Variants in NELL2 observed in about 807,000 individuals in gnomAD.
The protein encoded by NELL2 is protein kinase C-binding protein NELL2.
In NELL2, 41 loss-of-function variants were observed where a neutral mutation model predicts 109.6. The ratio of observed to expected loss-of-function variants is 0.37; its 90% CI spans 0.29 to 0.49. NELL2 has a LOEUF of 0.49. Ranked by LOEUF, NELL2 falls within the 20% of genes least tolerant of loss-of-function variation. NELL2 has a pLI of 0.98. For missense variants in NELL2, 900 were observed against 1,008.3 expected (o/e 0.89, Z 1.45); for synonymous variants, 355 against 344.7 (o/e 1.03, Z -0.33).
intron 12 of NELL2, among the ~76,000 whole-genome samples, chr12:44,680,281 T>G (rs1948454243): frequency 6.6e-6 from 1 of 152,128 alleles, no homozygotes; most frequent in Non-Finnish European, 1.5e-5. Flanking sequence ...TTGTTAGTTT[T>G]GACAATCTTA....
At chr12:44,677,291 C>T (rs1055515019) in intron 12 of NELL2, among the ~76,000 whole-genome samples, 1 of 152,084 alleles carries the variant, frequency 6.6e-6, no homozygotes. Context: ...ATCATATAAT[C>T]AATGGTAATC....
chr12:44,858,641 CACA>C (rs1233539960), intron 2 of NELL2, among the ~76,000 whole-genome samples: 4 of 152,138 alleles, frequency 2.6e-5, no homozygotes, highest in East Asian at 1.9e-4. Context: ...CGAAAGTCAC[CACA>C]ACAACAGTAT....
At chr12:44,775,774 C>A (rs538548361) in intron 8 of NELL2, among the ~76,000 whole-genome samples, 135 of 152,278 alleles carry the variant, frequency 8.9e-4, no homozygotes, top group African/African-American at 3.0e-3. Flanking sequence ...ATTTAAATTG[C>A]TAACTTCATG....
intron 19 of NELL2, among the ~76,000 whole-genome samples, chr12:44,518,768 TG>T (rs1238779636): frequency 6.6e-6 from 1 of 152,226 alleles, no homozygotes; most frequent in Admixed American, 6.5e-5. Flanking sequence ...AGTATTTCCC[TG>T]TTAGTCATTA....
chr12:44,904,843 C>T (rs1188134752), intron 1 of NELL2, among the ~76,000 whole-genome samples: 1 of 151,816 alleles, frequency 6.6e-6, no homozygotes, highest in African/African-American at 2.4e-5. Flanking sequence ...AGATAAATAG[C>T]TTAAGGGAAT....
rs142143141 is a variant in NELL2, at chr12:44,835,945, C to T, written c.185-19809G>A. On this transcript the variant is annotated intron_variant, in intron 2 of 19. Coordinates refer to ENST00000429094, the MANE Select transcript of NELL2 (RefSeq NM_001145108.2). ...AGAGGAAGAATATGTACAAAGCATG[C>T]AGGAACAACGAAGTATGGCATATTC... Among the ~76,000 whole-genome samples, 92 of 152,230 alleles carry T rather than the reference C, an allele frequency of 6.0e-4. No individual in the cohort carries two copies. The East Asian group carries it at 0.017, about 29-fold the overall frequency.
intron 2 of NELL2, among the ~76,000 whole-genome samples, chr12:44,849,464 T>C (rs903856538): frequency 1.3e-5 from 2 of 152,156 alleles, no homozygotes; most frequent in Non-Finnish European, 2.9e-5. Flanking sequence ...CAGAATGAAA[T>C]ATCTCTTCAT....
At chr12:44,851,623 C>G (rs1045782464) in intron 2 of NELL2, 1 of 152,146 alleles carries the variant, frequency 6.6e-6, no homozygotes, top group Non-Finnish European at 1.5e-5. Flanking sequence ...AACTACAGCT[C>G]TAAACATAAG....
At chr12:44,748,393 C>A (rs572681753) in intron 9 of NELL2, among the ~76,000 whole-genome samples, 1 of 151,930 alleles carries the variant, frequency 6.6e-6, no homozygotes, top group African/African-American at 2.4e-5. Flanking sequence ...GACAAGGAAT[C>A]GCTACTTCTT....
chr12:44,875,737 G>A, intron 1 of NELL2, 78 bp downstream of exon 1: 4 of 1,609,754 alleles, frequency 2.5e-6, no homozygotes, highest in African/African-American at 1.3e-5. Context: ...CGGGAAAAGC[G>A]AGGCTTCCCC....
At chr12:44,640,732 A>T (rs1028478403) in intron 13 of NELL2, among the ~76,000 whole-genome samples, 1 of 152,056 alleles carries the variant, frequency 6.6e-6, no homozygotes, top group Non-Finnish European at 1.5e-5. Context: ...GAACAAGGGG[A>T]CAAATTTGAT....
At chr12:44,892,158 C>A (rs1487226358) in intron 1 of NELL2, among the ~76,000 whole-genome samples, 1 of 152,090 alleles carries the variant, frequency 6.6e-6, no homozygotes, top group African/African-American at 2.4e-5. Flanking sequence ...AAGATATGAG[C>A]ATTTGAAAAT....
intron 2 of NELL2, among the ~76,000 whole-genome samples, chr12:44,850,880 A>G (rs1412979260): frequency 6.6e-6 from 1 of 152,200 alleles, no homozygotes; most frequent in East Asian, 1.9e-4. Flanking sequence ...ACAGCCAAAG[A>G]TATCAGGAAG....
intron 9 of NELL2, among the ~76,000 whole-genome samples, chr12:44,737,115 AAAAT>A (rs1438511862): frequency 6.6e-6 from 1 of 152,102 alleles, no homozygotes; most frequent in East Asian, 1.9e-4. Flanking sequence ...GTAAAAATTC[AAAAT>A]AAATACCACA....
At chr12:44,576,535 C>T (rs1445160293) in intron 15 of NELL2, among the ~76,000 whole-genome samples, 3 of 150,708 alleles carry the variant, frequency 2.0e-5, no homozygotes, top group Non-Finnish European at 4.4e-5. Flanking sequence ...CTAGAGCCTA[C>T]CTTCTCTTTT....
At chr12:44,539,007 T>C (rs1942421520) in intron 15 of NELL2, among the ~76,000 whole-genome samples, 1 of 152,218 alleles carries the variant, frequency 6.6e-6, no homozygotes, top group Non-Finnish European at 1.5e-5. Context: ...TTCTCATCTA[T>C]CTGTCCCATA....
chr12:44,862,545 A>T (rs373643744), intron 2 of NELL2, among the ~76,000 whole-genome samples: 1 of 152,180 alleles, frequency 6.6e-6, no homozygotes, highest in Admixed American at 6.5e-5. Flanking sequence ...AACTCTAAAA[A>T]CAGTTTTTAT....
chr12:44,825,531 A>C (rs1002948131), intron 2 of NELL2, among the ~76,000 whole-genome samples: 1 of 148,462 alleles, frequency 6.7e-6, no homozygotes, highest in African/African-American at 2.5e-5. Context: ...CAATAGCTGG[A>C]GCTACAGGTG....
chr12:44,774,682 G>A, intron 9 of NELL2, 65 bp downstream of exon 9: 1 of 1,296,174 alleles, frequency 7.7e-7, no homozygotes, highest in Non-Finnish European at 1.1e-6. Flanking sequence ...AATGATGGGT[G>A]AATACTTATT....
Sources: allele counts gnomAD v4.1 joint callset (sites outside exome capture counted in the v4.1 genomes callset), GRCh38; gene constraint gnomAD v4.1.1; transcripts MANE v1.5; gene names NCBI Gene and HGNC (gene_info 2026-07-23, HGNC 2026-07-21).